RABEP2: variants seen among roughly 807,000 people sequenced by gnomAD.
RABEP2 encodes the protein rab GTPase-binding effector protein 2.
In RABEP2, 57 loss-of-function variants were observed where a neutral mutation model predicts 74.1. The ratio of observed to expected loss-of-function variants is 0.77; its 90% CI spans 0.62 to 0.96. RABEP2 has a LOEUF of 0.96. RABEP2 is among the 40% of genes least tolerant of loss of function. RABEP2 has a pLI of 0.00. For synonymous variants in RABEP2, 351 were observed against 344.0 expected (o/e 1.02, Z -0.23); for missense variants, 692 against 756.3 (o/e 0.91, Z 1.00).
rs765311830 is a variant in RABEP2 at position 28,908,753 on chromosome 16, G to A, written c.1101C>T (p.Val367=). Residue 367 remains valine (V), a synonymous_variant, in exon 8 of 13, where the codon GTC becomes GTT. Transcript: ENST00000358201. The part of the protein sequence containing the change: ...ERVQLQMAEL[V]TTHKCLHHEV... ...CATGGTGCAGGCACTTGTGGGTGGTGACCAGCTCCGCCTATGGACAGACAG... is the reference window on the plus strand; with the variant it reads ...CATGGTGCAGGCACTTGTGGGTGGTAACCAGCTCCGCCTATGGACAGACAG... 9.3e-6 allele frequency: 15 copies of A among 1,613,894 alleles called. No homozygotes were observed. Among genetic ancestry groups the A allele is most frequent in the Middle Eastern group, 1.6e-4 (1 of 6,082 alleles).
At chr16:28,906,500 C>T (rs1230389126) in intron 8 of RABEP2, among the ~76,000 whole-genome samples, 1 of 152,182 alleles carries the variant, frequency 6.6e-6, no homozygotes, top group Non-Finnish European at 1.5e-5. Context: ...CGCGGTGGCT[C>T]ACACCTGCAA....
At chr16:28,921,488 T>A (rs887148736) in intron 2 of RABEP2, among the ~76,000 whole-genome samples, 6 of 151,184 alleles carry the variant, frequency 4.0e-5, no homozygotes, top group African/African-American at 1.5e-4. Flanking sequence ...TGTGGCATGG[T>A]GGAATATGTT....
At chr16:28,908,789 G>A in intron 7 of RABEP2, 25 bp from the exon 8 acceptor site, 1 of 1,610,108 alleles carries the variant, frequency 6.2e-7, no homozygotes, top group African/African-American at 1.3e-5. Flanking sequence ...TTAGTATAAG[G>A]CAATGAAGAG....
rs549199516 is a variant in RABEP2, at chr16:28,905,631, G to T, written c.1491+73C>A. 10 of 1,560,620 alleles carry T rather than the reference G, an allele frequency of 6.4e-6. No homozygotes were observed. In the South Asian group the frequency reaches 1.2e-4, roughly 18 times the overall value. ...ACCTGGCCTGAGGGAGACACAGAGG[G>T]CGGGAGGGGTGGGGGAGGGTCTTTT... is the stretch of plus-strand genomic sequence containing the variant. On this transcript the variant is annotated intron_variant, in intron 11 of 12. Coordinates refer to ENST00000358201, the MANE Select transcript of RABEP2 (RefSeq NM_024816.3).
At chr16:28,909,755 T>C (rs539821885) in intron 7 of RABEP2, among the ~76,000 whole-genome samples, 1 of 149,920 alleles carries the variant, frequency 6.7e-6, no homozygotes, top group South Asian at 2.1e-4. Flanking sequence ...CCGGGCTCAG[T>C]GGCTTACGCC....
intron 7 of RABEP2, among the ~76,000 whole-genome samples, chr16:28,909,686 C>T (rs1324058530): frequency 6.6e-6 from 1 of 151,700 alleles, no homozygotes; most frequent in Non-Finnish European, 1.5e-5. Context: ...TGCACTCCAG[C>T]CTGGCCAGCC....
At chr16:28,924,376 G>A in intron 2 of RABEP2, 27 bp downstream of exon 2, 2 of 1,598,110 alleles carry the variant, frequency 1.3e-6, no homozygotes, top group Non-Finnish European at 1.7e-6. Context: ...GGGTTGATGG[G>A]GAGTCTAGGT....
intron 8 of RABEP2, among the ~76,000 whole-genome samples, chr16:28,907,665 C>G (rs1174418040): frequency 6.6e-6 from 1 of 151,978 alleles, no homozygotes; most frequent in African/African-American, 2.4e-5. Flanking sequence ...TGAGATGGAG[C>G]CTTGCTCTCT....
intron 2 of RABEP2, among the ~76,000 whole-genome samples, chr16:28,923,731 G>C (rs953006135): frequency 6.6e-6 from 1 of 152,214 alleles, no homozygotes; most frequent in Non-Finnish European, 1.5e-5. Flanking sequence ...GGAAGCCAAT[G>C]TCAAGGCCAC....
intron 2 of RABEP2, among the ~76,000 whole-genome samples, chr16:28,920,363 G>GTTGTTATTA (rs1964454521): frequency 7.1e-6 from 1 of 141,616 alleles, no homozygotes; most frequent in East Asian, 2.1e-4. Context: ...ATTTTTTTTG[G>GTTGTTATTA]TTATTATTAT....
chr16:28,908,657 G>A lies in RABEP2; in HGVS notation c.1197C>T (p.Gly399=), dbSNP rs1406683272. The stretch of plus-strand genomic sequence containing the variant: ...CCTCCTCGCCCTGCTCCTGCTGCGA[G>A]CCCTGGGGGGCTGAGGATGGCAGCT... The part of the protein sequence containing the change: ...AEQLPSSAPQ[G]SQQEQGEEES... The change falls in exon 8 of 13, where the codon GGC becomes GGT. Residue 399 remains glycine (G), a synonymous_variant. Coordinates refer to ENST00000358201, the MANE Select transcript of RABEP2 (RefSeq NM_024816.3). 9 of 1,614,170 alleles carry A rather than the reference G, an allele frequency of 5.6e-6. No homozygotes were observed. Among genetic ancestry groups the A allele is most frequent in the Non-Finnish European group, 7.6e-6 (9 of 1,180,022 alleles).
chr16:28,919,486 C>T (rs1166761258), intron 3 of RABEP2, among the ~76,000 whole-genome samples: 3 of 152,214 alleles, frequency 2.0e-5, no homozygotes, highest in South Asian at 4.1e-4. Context: ...GTAATGTACA[C>T]CAGAAGTCAA....
intron 12 of RABEP2, 73 bp from the exon 13 acceptor site, chr16:28,905,117 A>G: frequency 1.5e-6 from 2 of 1,319,170 alleles, no homozygotes; most frequent in Admixed American, 2.0e-5. Context: ...GCCAGCCCCC[A>G]AGGGCGGGGC....
At chr16:28,909,669 G>A (rs951457781) in intron 7 of RABEP2, among the ~76,000 whole-genome samples, 4 of 151,670 alleles carry the variant, frequency 2.6e-5, no homozygotes, top group Non-Finnish European at 5.9e-5. Context: ...AGCTCTGATT[G>A]CACCACTGCA....
chr16:28,914,173 G>A, intron 5 of RABEP2, 63 bp downstream of exon 5: 2 of 1,365,910 alleles, frequency 1.5e-6, no homozygotes, highest in East Asian at 4.8e-5. Context: ...CACAGGTGGT[G>A]CGGGGGAAGC....
chr16:28,914,404 C>T lies in RABEP2; in HGVS notation c.726G>A (p.Gly242=), dbSNP rs1964357226. 6.2e-7 allele frequency: 1 copy of T among 1,613,322 alleles called. No homozygotes were observed. Among genetic ancestry groups the T allele is most frequent in the Non-Finnish European group, 8.5e-7 (1 of 1,179,970 alleles). ...GGGGCAGGGAGGAGCTGCTGCCGAC[C>T]CCACCGCCAAGGGAGAAGGAGGAGA... ...ASISSFSLGG[G]VGSSSSLPQS... is the part of the protein sequence containing the mutation. The change falls in exon 5 of 13, where the codon GGG becomes GGA. Residue 242 remains glycine (G), a synonymous_variant. Coordinates refer to ENST00000358201, the MANE Select transcript of RABEP2 (RefSeq NM_024816.3).
At chr16:28,912,763 C>G (rs1305497118) in intron 5 of RABEP2, among the ~76,000 whole-genome samples, 1 of 152,056 alleles carries the variant, frequency 6.6e-6, no homozygotes. Context: ...CGTTGCTTAA[C>G]CCTGCAGGTG....
Position 28,908,594 on chromosome 16 carries a change from C to T in RABEP2, c.1245+15G>A. 2 of 1,597,788 alleles carry T rather than the reference C, an allele frequency of 1.3e-6. No individual in the cohort carries two copies. Among genetic ancestry groups the T allele is most frequent in the Non-Finnish European group, 1.7e-6 (2 of 1,171,732 alleles). The stretch of plus-strand genomic sequence containing the variant: ...CACGGTGGCTCCAGGCTCTCAGTGC[C>T]CACACTCAGCTTACTGGCACAGAGC... On this transcript the variant is annotated intron_variant, in intron 8 of 12. Transcript: ENST00000358201.
At position 28,905,386 on chromosome 16, in the gene RABEP2, A is replaced by T. The variant is rs1055722565; in HGVS notation, c.1608+11T>A. On this transcript the variant is annotated intron_variant, in intron 12 of 12. Transcript: ENST00000358201. ...AGCCAGCCAGCCTGGCGGGGCTGGG[A>T]CAGGCCATACCTGCAGGGCCTGGGA... 19 of 1,593,178 alleles carry T rather than the reference A, an allele frequency of 1.2e-5. No individual in the cohort carries two copies. Among genetic ancestry groups the T allele is most frequent in the Non-Finnish European group, 1.6e-5 (19 of 1,166,662 alleles).
Sources: allele counts gnomAD v4.1 joint callset (sites outside exome capture counted in the v4.1 genomes callset), GRCh38; gene constraint gnomAD v4.1.1; transcripts MANE v1.5; gene names NCBI Gene and HGNC (gene_info 2026-07-23, HGNC 2026-07-21).